The following GPR158 variants were observed in gnomAD, a reference collection of about 807,000 sequenced individuals.
The protein encoded by GPR158 is G protein-coupled receptor 158, also known as metabotropic glycine receptor.
A neutral mutation model predicts 78.2 loss-of-function variants in GPR158; 30 were observed. The observed-to-expected ratio is 0.38, with a 90% confidence interval of 0.29 to 0.52. The LOEUF (loss-of-function observed/expected upper bound fraction) is 0.52. Among genes scored for constraint, GPR158 ranks in the 20% least tolerant of loss-of-function variants. The pLI is 0.83. For missense variants in GPR158, 1,463 were observed against 1,523.5 expected (o/e 0.96, Z 0.66); for synonymous variants, 581 against 591.1 (o/e 0.98, Z 0.25).
intron 2 of GPR158, among the ~76,000 whole-genome samples, chr10:25,223,168 A>C (rs1394781360): frequency 2.0e-5 from 3 of 152,212 alleles, no homozygotes; most frequent in Non-Finnish European, 2.9e-5. Context: ...TATTTATTAC[A>C]TTCCTACTGA....
At chr10:25,530,387 A>G (rs1026399936) in intron 5 of GPR158, among the ~76,000 whole-genome samples, 1 of 152,192 alleles carries the variant, frequency 6.6e-6, no homozygotes, top group African/African-American at 2.4e-5. Context: ...GCAGCTCAAA[A>G]TGACCTGTAG....
chr10:25,196,416 G>C (rs1852845208), intron 1 of GPR158, among the ~76,000 whole-genome samples: 1 of 151,854 alleles, frequency 6.6e-6, no homozygotes, highest in South Asian at 2.1e-4. Flanking sequence ...AGTCTCTTTT[G>C]TTCCCTGAAT....
chr10:25,239,730 C>T (rs1310683631), intron 2 of GPR158, among the ~76,000 whole-genome samples: 1 of 152,098 alleles, frequency 6.6e-6, no homozygotes, highest in East Asian at 1.9e-4. Context: ...CTCTTTCCTT[C>T]AGTGCAGAAA....
intron 2 of GPR158, among the ~76,000 whole-genome samples, chr10:25,279,914 G>A (rs527720810): frequency 3.3e-5 from 5 of 150,056 alleles, no homozygotes; most frequent in South Asian, 4.2e-4. Context: ...TACCACTAGC[G>A]ATTAATTTTA....
intron 2 of GPR158, among the ~76,000 whole-genome samples, chr10:25,273,246 C>T (rs1487337801): frequency 2.0e-5 from 3 of 152,104 alleles, no homozygotes; most frequent in African/African-American, 7.2e-5. Context: ...TTGTCAATAT[C>T]ACTACCTCTT....
chr10:25,351,498 A>G (rs1275051007), intron 2 of GPR158, among the ~76,000 whole-genome samples: 6 of 151,974 alleles, frequency 3.9e-5, no homozygotes, highest in Non-Finnish European at 7.4e-5. Context: ...AACGTAGGAT[A>G]AAATGTAAAT....
At position 25,229,515 on chromosome 10, in the gene GPR158, T is replaced by C. The variant is rs564061749; in HGVS notation, c.1008+8358T>C. ...GTCAAGAATTGGTCTTTGTGCTTTA[T>C]ATGCATTTCTTTAATCTTTAAAGCC... On this transcript the variant is annotated intron_variant, in intron 2 of 10. Transcript: ENST00000376351. Among the ~76,000 whole-genome samples the C allele has an allele frequency of 6.6e-5, 10 of 152,344 alleles. No individual in the cohort carries two copies. In the East Asian group the frequency reaches 1.9e-3, roughly 29 times the overall value.
intron 3 of GPR158, among the ~76,000 whole-genome samples, chr10:25,398,026 C>T (rs1017042898): frequency 9.9e-5 from 15 of 152,100 alleles, no homozygotes; most frequent in African/African-American, 3.4e-4. Flanking sequence ...CCACTAATAG[C>T]CCATGAGAAA....
intron 1 of GPR158, among the ~76,000 whole-genome samples, chr10:25,217,216 C>G (rs897881860): frequency 1.3e-5 from 2 of 152,204 alleles, no homozygotes; most frequent in African/African-American, 4.8e-5. Flanking sequence ...CTCCATTACA[C>G]TTTTCCTAGG....
intron 2 of GPR158, among the ~76,000 whole-genome samples, chr10:25,259,101 A>G (rs1853930917): frequency 6.6e-6 from 1 of 152,102 alleles, no homozygotes; most frequent in Admixed American, 6.6e-5. Context: ...GAGGAGGAGG[A>G]AGAGGAGGGG....
At position 25,542,059 on chromosome 10, in the gene GPR158, A is replaced by G. The variant is rs142075972; in HGVS notation, c.1405-8917A>G. Among the ~76,000 whole-genome samples the G allele has an allele frequency of 1.7e-3, 250 of 151,464 alleles. 1 individual carries two copies. Among genetic ancestry groups the G allele is most frequent in the African/African-American group, 5.9e-3 (243 of 41,384 alleles). On this transcript the variant is annotated intron_variant, in intron 5 of 10. Coordinates refer to ENST00000376351, the MANE Select transcript of GPR158 (RefSeq NM_020752.3). Reference sequence around the variant, plus strand: ...CAAATCCTTATCAAAGGACAACTTCATCAACAAAAATCTTGCCACTTGAGT... The same window carrying G: ...CAAATCCTTATCAAAGGACAACTTCGTCAACAAAAATCTTGCCACTTGAGT...
At chr10:25,395,510 A>G (rs1042114238) in intron 2 of GPR158, among the ~76,000 whole-genome samples, 2 of 152,148 alleles carry the variant, frequency 1.3e-5, no homozygotes, top group Non-Finnish European at 2.9e-5. Flanking sequence ...CTACCTGCCT[A>G]TCTACCCACC....
chr10:25,578,936 G>T (rs921036953), intron 7 of GPR158, among the ~76,000 whole-genome samples: 2 of 152,098 alleles, frequency 1.3e-5, no homozygotes, highest in East Asian at 3.9e-4. Context: ...GTGAACCTGG[G>T]AGGCAGAGTT....
intron 4 of GPR158, among the ~76,000 whole-genome samples, chr10:25,425,297 C>T (rs958888460): frequency 1.3e-5 from 2 of 152,034 alleles, no homozygotes; most frequent in Admixed American, 6.6e-5. Flanking sequence ...TACATTTCCA[C>T]CAATAGTGTA....
chr10:25,351,370 T>C (rs1254190407), intron 2 of GPR158, among the ~76,000 whole-genome samples: 1 of 149,098 alleles, frequency 6.7e-6, no homozygotes, highest in East Asian at 2.0e-4. Context: ...GTGGTGGTAA[T>C]GGTAGCAAGT....
intron 4 of GPR158, among the ~76,000 whole-genome samples, chr10:25,445,199 G>A (rs78031929): frequency 1.3e-5 from 2 of 152,146 alleles, no homozygotes; most frequent in Admixed American, 6.5e-5. Flanking sequence ...AGGAAGTAAC[G>A]CTTGATTCTA....
At position 25,598,582 on chromosome 10, in the gene GPR158, G is replaced by A. The variant is rs368316910; in HGVS notation, c.2956G>A (p.Ala986Thr). ...ACAACAAAGGGTCAACCCCACCACT[G>A]CCAATTCTGACCTGAACCCAGGCAC... is the stretch of plus-strand genomic sequence containing the variant. ...MKQQRVNPTT[A>T]NSDLNPGTTQ... The change falls in exon 11 of 11, where the codon GCC becomes ACC. Residue 986 changes from alanine to threonine, a missense_variant. Ala to Thr is a moderately conservative substitution (Grantham distance 58). Coordinates refer to ENST00000376351, the MANE Select transcript of GPR158 (RefSeq NM_020752.3). The A allele has an allele frequency of 4.1e-5, 66 of 1,613,896 alleles. No homozygotes were observed. Among genetic ancestry groups the A allele is most frequent in the Non-Finnish European group, 5.4e-5 (64 of 1,180,000 alleles).
chr10:25,537,782 T>A (rs1836519508), intron 5 of GPR158, among the ~76,000 whole-genome samples: 1 of 152,024 alleles, frequency 6.6e-6, no homozygotes, highest in Admixed American at 6.6e-5. Flanking sequence ...TGAGTTCTCA[T>A]AAGATCAGGT....
At chr10:25,284,897 ATTAC>A (rs1352266659) in intron 2 of GPR158, among the ~76,000 whole-genome samples, 1 of 151,870 alleles carries the variant, frequency 6.6e-6, no homozygotes, top group Non-Finnish European at 1.5e-5. Context: ...TTTTTTCCTA[ATTAC>A]TTCTTATTCT....
Sources: allele counts gnomAD v4.1 joint callset (sites outside exome capture counted in the v4.1 genomes callset), GRCh38; gene constraint gnomAD v4.1.1; transcripts MANE v1.5; gene names NCBI Gene and HGNC (gene_info 2026-07-23, HGNC 2026-07-21).